The following ZNF484 variants were observed in gnomAD, a reference collection of about 807,000 sequenced individuals.
ZNF484 encodes KRAB box containing C2H2 type zinc finger bA526D8.4.
Under a neutral mutation model 12.9 loss-of-function variants are expected in ZNF484, and 11 were observed. The observed-to-expected ratio is 0.85, with a 90% CI of 0.54 to 1.41. ZNF484 has a LOEUF of 1.41. Among genes scored for constraint, ZNF484 ranks in the 40% most tolerant of loss-of-function variants. The pLI, the probability that ZNF484 is intolerant of heterozygous loss-of-function variation, is 0.00. For synonymous variants in ZNF484, 289 were observed against 334.1 expected, an observed-to-expected ratio of 0.86 and a Z score of 1.47; for missense variants, 807 against 1,007.7, an observed-to-expected ratio of 0.80 and a Z score of 2.70.
chr9:92,851,065 C>T (rs1024119129), intron 4 of ZNF484, among the ~76,000 whole-genome samples: 3 of 152,252 alleles, frequency 2.0e-5, no homozygotes, highest in African/African-American at 4.8e-5. Context: ...ATGGCTGCTT[C>T]ACAACACTAG....
intron 3 of ZNF484, 121 bp downstream of exon 3, chr9:92,856,071 G>T: frequency 7.1e-7 from 1 of 1,416,770 alleles, no homozygotes; most frequent in Non-Finnish European, 9.7e-7. Context: ...CACTTTAGAT[G>T]TCCTGCAGTC....
Position 92,847,345 on chromosome 9 carries a change from G to C in ZNF484, c.1442C>G (p.Thr481Arg). The C allele has an allele frequency of 6.2e-7, 1 of 1,613,724 alleles. No homozygotes were observed. The highest frequency in any genetic ancestry group is 2.2e-5 in the East Asian group (1 of 44,862). ...SECGKVFTHK[T>R]NLIIHQKIHT... Reference sequence around the variant, plus strand: ...AATTTTCTGGTGTATAATGAGATTTGTCTTGTGAGTGAAGACCTTCCCACA... The same window carrying C: ...AATTTTCTGGTGTATAATGAGATTTCTCTTGTGAGTGAAGACCTTCCCACA... The change falls in exon 5 of 5, where the codon ACA becomes AGA. Residue 481 changes from threonine to arginine, a missense_variant. Thr to Arg is a moderately conservative substitution (Grantham distance 71). Transcript: ENST00000375495.
rs1449974888 is a variant in ZNF484 at position 92,844,398 on chromosome 9, T to C, written c.*1830A>G. 1.3e-5 allele frequency among the ~76,000 whole-genome samples: 2 copies of C among 152,110 alleles called. No individual in the cohort carries two copies. Among genetic ancestry groups the C allele is most frequent in the African/African-American group, 4.8e-5 (2 of 41,432 alleles). On this transcript the variant is annotated 3_prime_UTR_variant, in exon 5 of 5. Coordinates refer to ENST00000375495, the MANE Select transcript of ZNF484 (RefSeq NM_031486.4). Reference sequence around the variant, plus strand: ...CTAGGAATTTCCCCAAATGCACATGTGCACACACGTACACGCACACGTGCA... The same window carrying C: ...CTAGGAATTTCCCCAAATGCACATGCGCACACACGTACACGCACACGTGCA...
chr9:92,874,758 AC>A (rs1857692658), intron 2 of ZNF484, among the ~76,000 whole-genome samples: 2 of 152,170 alleles, frequency 1.3e-5, no homozygotes, highest in South Asian at 4.1e-4. Context: ...ATTAATATAA[AC>A]CATGTATCCA....
intron 2 of ZNF484, among the ~76,000 whole-genome samples, chr9:92,867,112 G>A (rs1328835044): frequency 6.6e-6 from 1 of 152,222 alleles, no homozygotes; most frequent in Admixed American, 6.5e-5. Flanking sequence ...CACTTTGGGA[G>A]GCCAAGGTGG....
chr9:92,875,136 T>G (rs2118292679), intron 1 of ZNF484, 77 bp from the exon 2 acceptor site: 4 of 1,324,506 alleles, frequency 3.0e-6, no homozygotes, highest in Non-Finnish European at 4.3e-6. Flanking sequence ...ATACATCATT[T>G]AGTGCCCTTG....
chr9:92,869,297 A>T (rs1213539023), intron 2 of ZNF484, among the ~76,000 whole-genome samples: 2 of 152,228 alleles, frequency 1.3e-5, no homozygotes, highest in East Asian at 3.8e-4. Context: ...AAAACAAATG[A>T]TTAAGCCAGA....
In ZNF484 at chr9:92,846,823, T is replaced by C; in HGVS notation, c.1964A>G (p.Gln655Arg). 6.2e-7 allele frequency: 1 copy of C among 1,614,096 alleles called. No individual in the cohort carries two copies. Among genetic ancestry groups the C allele is most frequent in the Non-Finnish European group, 8.5e-7 (1 of 1,180,008 alleles). ...FTDRSNLFTH[Q>R]KIHTGEKPYK... The stretch of plus-strand genomic sequence containing the variant: ...AGGTTTCTCTCCAGTGTGAATTTTC[T>C]GGTGTGTAAAGAGATTTGATCTGTC... The change falls in exon 5 of 5, where the codon CAG becomes CGG. Residue 655 changes from glutamine (Q) to arginine (R), a missense_variant. Gln to Arg is a conservative substitution (Grantham distance 43). Transcript: ENST00000375495.
Position 92,846,041 on chromosome 9 carries a change from C to A in ZNF484, c.*187G>T. On this transcript the variant is annotated 3_prime_UTR_variant, in exon 5 of 5. Transcript: ENST00000375495. ...CCATGAATTTATAAAACTGTTTGCC[C>A]AAAAAGTGAAACAAGAAAGACTGCC... 2 of 624,730 alleles carry A rather than the reference C, an allele frequency of 3.2e-6. No individual in the cohort carries two copies. The highest frequency in any genetic ancestry group is 2.4e-5 in the South Asian group (1 of 41,556). 38.7% of individuals were successfully genotyped at this position (624,730 alleles called of 1,614,324 possible).
intron 4 of ZNF484, among the ~76,000 whole-genome samples, chr9:92,851,261 T>A (rs913243273): frequency 2.6e-5 from 4 of 152,162 alleles, no homozygotes; most frequent in Admixed American, 2.0e-4. Flanking sequence ...AGGGCAGGGG[T>A]CAGAAAACTG....
chr9:92,877,841 C>G, intron 1 of ZNF484, 49 bp downstream of exon 1: 1 of 1,535,852 alleles, frequency 6.5e-7, no homozygotes, highest in Non-Finnish European at 8.7e-7. Context: ...GGACAGACAT[C>G]AGAGATTCTT....
At position 92,846,911 on chromosome 9, in the gene ZNF484, G is replaced by A; in HGVS notation, c.1876C>T (p.His626Tyr). ...TTCTCTCCTGTGTGAATCTGCTGAT[G>A]TACGTGGAGCTGTGATTTCTTAGTG... ...SFTKKSQLHV[H>Y]QQIHTGEKPY... The change falls in exon 5 of 5, where the codon CAT becomes TAT. Residue 626 changes from histidine (H) to tyrosine (Y), a missense_variant. Transcript: ENST00000375495. The A allele has an allele frequency of 6.2e-7, 1 of 1,614,008 alleles. No individual in the cohort carries two copies. The highest frequency in any genetic ancestry group is 8.5e-7 in the Non-Finnish European group (1 of 1,180,004).
intron 1 of ZNF484, 70 bp downstream of exon 1, chr9:92,877,820 C>A (rs572680712): frequency 6.5e-7 from 1 of 1,535,836 alleles, no homozygotes; most frequent in Non-Finnish European, 8.7e-7. Flanking sequence ...CATCACTGAC[C>A]GGAAGGCTCA....
intron 4 of ZNF484, among the ~76,000 whole-genome samples, chr9:92,851,470 G>A (rs1299851794): frequency 6.6e-6 from 1 of 152,162 alleles, no homozygotes; most frequent in Non-Finnish European, 1.5e-5. Flanking sequence ...GCTGCTTTGG[G>A]GCTACAACTG....
chr9:92,872,994 C>T (rs1384709055), intron 2 of ZNF484, among the ~76,000 whole-genome samples: 4 of 151,970 alleles, frequency 2.6e-5, no homozygotes, highest in African/African-American at 9.7e-5. Flanking sequence ...TCAAGACATT[C>T]TCAGTCCTCC....
intron 4 of ZNF484, among the ~76,000 whole-genome samples, chr9:92,849,930 T>C (rs1183883740): frequency 6.6e-6 from 1 of 152,054 alleles, no homozygotes; most frequent in Non-Finnish European, 1.5e-5. Flanking sequence ...GCCTCATGAG[T>C]GGCTGGAACT....
At chr9:92,873,704 C>G (rs1298032861) in intron 2 of ZNF484, among the ~76,000 whole-genome samples, 1 of 152,000 alleles carries the variant, frequency 6.6e-6, no homozygotes, top group Non-Finnish European at 1.5e-5. Flanking sequence ...AAAAACTGGA[C>G]AAAGTATAGA....
intron 2 of ZNF484, among the ~76,000 whole-genome samples, chr9:92,868,026 G>A (rs894229183): frequency 5.3e-5 from 8 of 152,286 alleles, no homozygotes; most frequent in Non-Finnish European, 1.2e-4. Context: ...CAATTTCCTT[G>A]ATTTTTCTAG....
chr9:92,877,984 T>G lies in ZNF484; in HGVS notation c.-125A>C. 1.0e-6 allele frequency: 1 copy of G among 981,660 alleles called. No homozygotes were observed. Among genetic ancestry groups the G allele is most frequent in the Non-Finnish European group, 1.5e-6 (1 of 666,584 alleles). 60.8% of individuals were successfully genotyped at this position (981,660 alleles called of 1,614,324 possible). On this transcript the variant is annotated 5_prime_UTR_variant, in exon 1 of 5. Coordinates refer to ENST00000375495, the MANE Select transcript of ZNF484 (RefSeq NM_031486.4). Reference sequence around the variant, plus strand: ...CAGAACAGGACCCACTTCCTTTTTCTCAATGCCTCCCAGGCCTAGAGGTAC... The same window carrying G: ...CAGAACAGGACCCACTTCCTTTTTCGCAATGCCTCCCAGGCCTAGAGGTAC...
Sources: gnomAD v4.1 joint callset for allele counts (sites outside exome capture counted in the v4.1 genomes callset) on GRCh38, gnomAD v4.1.1 for gene constraint, MANE v1.5 for transcripts, NCBI Gene and HGNC (gene_info 2026-07-23, HGNC 2026-07-21) for gene names.